SLC44A5: variants seen among roughly 807,000 people sequenced by gnomAD.
SLC44A5 encodes the protein solute carrier family 44 member 5.
SLC44A5 carries 57 observed loss-of-function variants against 101.8 expected under a neutral mutation model. The ratio of observed to expected loss-of-function variants is 0.56; its 90% CI spans 0.45 to 0.70. SLC44A5 has a LOEUF of 0.70. Ranked by LOEUF, SLC44A5 falls within the 30% of genes least tolerant of loss-of-function variation. The pLI, the probability that SLC44A5 is intolerant of heterozygous loss-of-function variation, is 0.00. For missense variants in SLC44A5, 737 were observed against 853.1 expected, an observed-to-expected ratio of 0.86 and a Z score of 1.70; for synonymous variants, 281 against 290.9, an observed-to-expected ratio of 0.97 and a Z score of 0.35.
At chr1:75,491,122 G>A (rs530535122) in intron 2 of SLC44A5, among the ~76,000 whole-genome samples, 7 of 152,202 alleles carry the variant, frequency 4.6e-5, no homozygotes, top group African/African-American at 1.2e-4. Context: ...GCTTAGTCAG[G>A]GTTTGTGACC....
intron 2 of SLC44A5, among the ~76,000 whole-genome samples, chr1:75,504,111 G>A (rs1012230457): frequency 2.6e-5 from 4 of 151,662 alleles, no homozygotes; most frequent in South Asian, 2.1e-4. Context: ...ACTCTAAATC[G>A]GCAAAGTAAC....
At chr1:75,407,914 G>A (rs562794190) in intron 2 of SLC44A5, among the ~76,000 whole-genome samples, 19 of 152,296 alleles carry the variant, frequency 1.2e-4, no homozygotes, top group East Asian at 5.8e-4. Flanking sequence ...TATCATCAGC[G>A]TGAACACACA....
intron 3 of SLC44A5, among the ~76,000 whole-genome samples, chr1:75,378,790 G>A (rs1320553832): frequency 1.2e-5 from 1 of 81,040 alleles, no homozygotes. Context: ...CTCAAACGCA[G>A]GTTAAAGAAA....
intron 6 of SLC44A5, 122 bp downstream of exon 6, chr1:75,274,836 A>G (rs1651786422): frequency 1.3e-6 from 1 of 744,630 alleles, no homozygotes; most frequent in Admixed American, 2.6e-5. Flanking sequence ...GAAAAAAGGG[A>G]GGGAAGGCTT....
At chr1:75,610,725 G>A (rs150482465) in intron 1 of SLC44A5, among the ~76,000 whole-genome samples, 1,863 of 151,998 alleles carry the variant, frequency 0.012, 20 homozygotes, top group Non-Finnish European at 0.019. Context: ...CGATATTTTG[G>A]TGAATATTAA....
chr1:75,257,570 A>G (rs1265039808), intron 6 of SLC44A5, among the ~76,000 whole-genome samples: 3 of 152,110 alleles, frequency 2.0e-5, no homozygotes, highest in African/African-American at 7.2e-5. Flanking sequence ...AGAGACCCCT[A>G]GTGGTCCACA....
In SLC44A5 at chr1:75,465,271, T is replaced by C. The variant is rs537602982; in HGVS notation, c.14-68650A>G. ...ATACAAATGCATGGAAATTAAACAA[T>C]ATGCTCCTGGATATGGGTCAATGAA... On this transcript the variant is annotated intron_variant, in intron 2 of 23. Coordinates refer to ENST00000370859, the MANE Select transcript of SLC44A5 (RefSeq NM_001130058.2). Among the ~76,000 whole-genome samples, 169 of 152,200 alleles carry C rather than the reference T, an allele frequency of 1.1e-3. 1 individual carries two copies. The highest frequency in any genetic ancestry group is 4.4e-3 in the Admixed American group (67 of 15,292).
At chr1:75,481,188 A>T (rs1172896868) in intron 2 of SLC44A5, among the ~76,000 whole-genome samples, 10 of 152,222 alleles carry the variant, frequency 6.6e-5, no homozygotes, top group Non-Finnish European at 4.4e-5. Context: ...TGCTGGGAAA[A>T]CTGGCTAGCC....
At chr1:75,459,505 C>T (rs1414818030) in intron 2 of SLC44A5, among the ~76,000 whole-genome samples, 3 of 152,116 alleles carry the variant, frequency 2.0e-5, no homozygotes, top group East Asian at 1.9e-4. Context: ...GACAACCACT[C>T]GCAGATGTTT....
intron 1 of SLC44A5, among the ~76,000 whole-genome samples, chr1:75,554,986 G>GA (rs1302035006): frequency 1.3e-5 from 2 of 151,554 alleles, no homozygotes; most frequent in African/African-American, 2.4e-5. Context: ...TAAGAAGGCA[G>GA]AAAAAAGAAA....
chr1:75,628,194 C>T, the SLC44A5 span, among the ~76,000 whole-genome samples: 2 of 152,144 alleles, frequency 1.3e-5, no homozygotes, highest in Admixed American at 6.6e-5. Flanking sequence ...AAGTTTCCCT[C>T]TGCCTCAGGC....
the SLC44A5 span, among the ~76,000 whole-genome samples, chr1:75,722,760 T>C: frequency 6.6e-6 from 1 of 152,220 alleles, no homozygotes; most frequent in Non-Finnish European, 1.5e-5. Context: ...ATTTCTACGT[T>C]CGTCCCTTCA....
chr1:75,203,729 A>G lies in SLC44A5; in HGVS notation c.2152T>C (p.Ter718GlnextTer82), dbSNP rs1646699465. 6.5e-7 allele frequency: 1 copy of G among 1,548,376 alleles called. No individual in the cohort carries two copies. The highest frequency in any genetic ancestry group is 8.7e-7 in the Non-Finnish European group (1 of 1,145,506). The part of the protein sequence containing the change: ...QEENPQTRKQ[*>Q] ...TGTAGGACGACCAGTTTGCTCTTCT[A>G]CTGCTTCCTAGTTTGTGGATTTTCC... The change falls in exon 24 of 24, where the codon TAG becomes CAG. Residue 718 changes from the stop codon to glutamine (Q), a stop_lost. Transcript: ENST00000370859.
the SLC44A5 span, among the ~76,000 whole-genome samples, chr1:75,710,783 A>G: frequency 1.3e-5 from 2 of 152,098 alleles, no homozygotes; most frequent in Non-Finnish European, 2.9e-5. Flanking sequence ...GTGAAGATAC[A>G]GCTAGACTCT....
intron 5 of SLC44A5, among the ~76,000 whole-genome samples, chr1:75,294,741 A>G (rs1397730741): frequency 6.6e-6 from 1 of 152,178 alleles, no homozygotes; most frequent in African/African-American, 2.4e-5. Context: ...GCATGAGTGA[A>G]CCTAGAGGAC....
At position 75,243,000 on chromosome 1, in the gene SLC44A5, G is replaced by A; in HGVS notation, c.357C>T (p.Ser119=). ...LQCPTTQICV[S]KCPEKFLTYV... Reference sequence around the variant, plus strand: ...AGGTTAAAAATTTTTCTGGGCACTTGGAGACACAGATCTGTGAACGAACAA... The same window carrying A: ...AGGTTAAAAATTTTTCTGGGCACTTAGAGACACAGATCTGTGAACGAACAA... Residue 119 remains serine (S), a synonymous_variant, in exon 8 of 24, where the codon TCC becomes TCT. Transcript: ENST00000370859. The A allele has an allele frequency of 6.2e-7, 1 of 1,611,592 alleles. No individual in the cohort carries two copies. Among genetic ancestry groups the A allele is most frequent in the Middle Eastern group, 1.7e-4 (1 of 6,036 alleles).
At chr1:75,370,050 A>T (rs1221375743) in intron 3 of SLC44A5, among the ~76,000 whole-genome samples, 1 of 152,242 alleles carries the variant, frequency 6.6e-6, no homozygotes, top group African/African-American at 2.4e-5. Flanking sequence ...TTTTACACTA[A>T]GAGTAGTTCT....
At chr1:75,283,836 T>C (rs760950871) in intron 5 of SLC44A5, among the ~76,000 whole-genome samples, 7 of 152,182 alleles carry the variant, frequency 4.6e-5, no homozygotes, top group Non-Finnish European at 8.8e-5. Flanking sequence ...GGGTTTTCTA[T>C]TCTGCCCCAT....
rs554370999 is a variant in SLC44A5, at chr1:75,483,080, A to G, written c.13+58355T>C. ...CTGCTTCTATTTGCTGAGCGTAACA[A>G]TAAATTAGAAAAGGCTTTAGTGTAA... On this transcript the variant is annotated intron_variant, in intron 2 of 23. Coordinates refer to ENST00000370859, the MANE Select transcript of SLC44A5 (RefSeq NM_001130058.2). Among the ~76,000 whole-genome samples, 12 of 152,348 alleles carry G rather than the reference A, an allele frequency of 7.9e-5. No individual in the cohort carries two copies. The South Asian group carries it at 2.1e-3, about 26-fold the overall frequency.
Sources: allele counts gnomAD v4.1 joint callset (sites outside exome capture counted in the v4.1 genomes callset), GRCh38; gene constraint gnomAD v4.1.1; transcripts MANE v1.5; gene names NCBI Gene and HGNC (gene_info 2026-07-23, HGNC 2026-07-21).